The following HERC3 variants were observed in gnomAD, a reference collection of about 807,000 sequenced individuals.
HERC3 encodes the protein probable E3 ubiquitin-protein ligase HERC3.
In HERC3, 58 loss-of-function variants were observed where a neutral mutation model predicts 129.9. The ratio of observed to expected loss-of-function variants is 0.45; its 90% confidence interval spans 0.36 to 0.56. HERC3 has a LOEUF of 0.56. Among genes scored for constraint, HERC3 ranks in the 20% least tolerant of loss-of-function variants. The probability of loss-of-function intolerance (pLI) is 0.00; values close to 1 mark genes in which losing one functional copy is unlikely to be tolerated. For synonymous variants in HERC3, 430 were observed against 451.0 expected (o/e 0.95, Z 0.59); for missense variants, 835 against 1,244.2 (o/e 0.67, Z 4.95).
intron 3 of HERC3, among the ~76,000 whole-genome samples, chr4:88,622,513 GT>G (rs1725648992): frequency 6.6e-6 from 1 of 152,186 alleles, no homozygotes; most frequent in Admixed American, 6.5e-5. Context: ...AAGTGGAATT[GT>G]TGGGTTATAT....
intron 3 of HERC3, among the ~76,000 whole-genome samples, chr4:88,632,273 C>T (rs529577005): frequency 2.0e-5 from 3 of 152,228 alleles, no homozygotes; most frequent in African/African-American, 7.2e-5. Flanking sequence ...CTGTGGTGTA[C>T]GCAGGGCACA....
At chr4:88,567,120 G>T in the HERC3 span, among the ~76,000 whole-genome samples, 19 of 152,120 alleles carry the variant, frequency 1.2e-4, no homozygotes, top group Non-Finnish European at 1.9e-4. Context: ...ATGCCACTCT[G>T]TCCTGGCCTG....
At chr4:88,660,078 T>C (rs566533613) in intron 10 of HERC3, among the ~76,000 whole-genome samples, 2 of 152,304 alleles carry the variant, frequency 1.3e-5, no homozygotes, top group African/African-American at 4.8e-5. Context: ...CTGAAACCTA[T>C]GCACATTTAC....
intron 3 of HERC3, among the ~76,000 whole-genome samples, chr4:88,613,376 A>T (rs1173715536): frequency 6.6e-6 from 1 of 152,240 alleles, no homozygotes; most frequent in Non-Finnish European, 1.5e-5. Flanking sequence ...TCCAATTCAC[A>T]TTCGCACTTT....
At chr4:88,668,147 T>C in intron 14 of HERC3, 66 bp downstream of exon 14, 1 of 1,236,922 alleles carries the variant, frequency 8.1e-7, no homozygotes, top group South Asian at 1.3e-5. Context: ...GACTCCTGGC[T>C]CTCAGTGGAT....
the HERC3 span, among the ~76,000 whole-genome samples, chr4:88,574,355 C>T: frequency 2.0e-5 from 3 of 152,060 alleles, no homozygotes; most frequent in Non-Finnish European, 2.9e-5. Context: ...TCTTGTAATG[C>T]CAGATTATTG....
intron 16 of HERC3, 79 bp downstream of exon 16, chr4:88,670,331 G>T: frequency 1.1e-6 from 1 of 925,228 alleles, no homozygotes; most frequent in South Asian, 1.5e-5. Context: ...ATATGTCTTT[G>T]ACTTTGATGT....
chr4:88,637,002 G>T (rs139819205), intron 3 of HERC3, among the ~76,000 whole-genome samples: 2 of 152,102 alleles, frequency 1.3e-5, no homozygotes, highest in African/African-American at 2.4e-5. Context: ...GGCAGTGTGC[G>T]CCTGTAGTCC....
At chr4:88,628,563 A>G (rs1165808448) in intron 3 of HERC3, among the ~76,000 whole-genome samples, 3 of 152,306 alleles carry the variant, frequency 2.0e-5, no homozygotes, top group Admixed American at 2.0e-4. Context: ...CTGCAATTTC[A>G]GAGATAAAAT....
At chr4:88,544,362 C>T in the HERC3 span, among the ~76,000 whole-genome samples, 3 of 152,182 alleles carry the variant, frequency 2.0e-5, no homozygotes, top group Admixed American at 6.5e-5. Flanking sequence ...ATCAAAACCA[C>T]AATGAGATAT....
chr4:88,666,828 G>A (rs1223523887), intron 12 of HERC3, among the ~76,000 whole-genome samples: 1 of 152,192 alleles, frequency 6.6e-6, no homozygotes, highest in African/African-American at 2.4e-5. Context: ...TGTATCCTTT[G>A]TGTTAACGAT....
intron 23 of HERC3, among the ~76,000 whole-genome samples, chr4:88,694,196 T>C (rs1302944885): frequency 6.6e-6 from 1 of 152,240 alleles, no homozygotes; most frequent in African/African-American, 2.4e-5. Context: ...CACCTAGTGC[T>C]GCAGGTTCAG....
intron 23 of HERC3, chr4:88,697,802 T>G (rs754303478): frequency 2.1e-4 from 316 of 1,534,756 alleles, no homozygotes; most frequent in Non-Finnish European, 2.7e-4. Flanking sequence ...GCAGAGGCCC[T>G]GCACCCGAGC....
the HERC3 span, among the ~76,000 whole-genome samples, chr4:88,576,658 G>C: frequency 6.6e-6 from 1 of 152,120 alleles, no homozygotes; most frequent in South Asian, 2.1e-4. Context: ...GTGTTGGGGT[G>C]GGGAGGTGGT....
intron 3 of HERC3, among the ~76,000 whole-genome samples, chr4:88,607,671 G>A (rs1723821018): frequency 6.6e-6 from 1 of 152,158 alleles, no homozygotes; most frequent in Non-Finnish European, 1.5e-5. Context: ...GTTTTGCCAT[G>A]TTGTCCAGGC....
At chr4:88,538,013 G>A in the HERC3 span, among the ~76,000 whole-genome samples, 1 of 152,166 alleles carries the variant, frequency 6.6e-6, no homozygotes, top group African/African-American at 2.4e-5. Context: ...ATCAAAAATA[G>A]GTTTATGTTG....
chr4:88,654,587 A>T (rs925564590), intron 7 of HERC3, among the ~76,000 whole-genome samples: 1 of 149,780 alleles, frequency 6.7e-6, no homozygotes, highest in African/African-American at 2.4e-5. Context: ...ATGATGTCCT[A>T]TGTTCCTTTA....
intron 23 of HERC3, among the ~76,000 whole-genome samples, chr4:88,688,409 C>G (rs1047740036): frequency 6.6e-6 from 1 of 151,984 alleles, no homozygotes; most frequent in South Asian, 2.1e-4. Context: ...GCAGGGATAC[C>G]CATTAGGAGG....
chr4:88,708,466 T>C lies in HERC3; in HGVS notation c.*1506T>C, dbSNP rs1393686539. ...AGGATTAAAAATATATATACAGTTA[T>C]ATGAAATGTTTATTTTCTATGTGTG... On this transcript the variant is annotated 3_prime_UTR_variant, in exon 26 of 26. Transcript: ENST00000402738. 6.6e-6 allele frequency: 1 copy of C among 152,628 alleles called. No individual in the cohort carries two copies. Among genetic ancestry groups the C allele is most frequent in the African/African-American group, 2.4e-5 (1 of 41,438 alleles). 9.5% of individuals were successfully genotyped at this position (152,628 alleles called of 1,614,324 possible).
Sources: allele counts gnomAD v4.1 joint callset (sites outside exome capture counted in the v4.1 genomes callset), GRCh38; gene constraint gnomAD v4.1.1; transcripts MANE v1.5; gene names NCBI Gene and HGNC (gene_info 2026-07-23, HGNC 2026-07-21).